TMEM51: variants seen among roughly 807,000 people sequenced by gnomAD.
TMEM51 encodes the protein chromosome 1 open reading frame 72.
In TMEM51, 8 loss-of-function variants were observed where a neutral mutation model predicts 13.6. The ratio of observed to expected loss-of-function variants is 0.59; its 90% CI spans 0.35 to 1.07. The LOEUF (loss-of-function observed/expected upper bound fraction) is 1.07, where lower values mean the gene tolerates loss of function less well. TMEM51 is among the 50% of genes least tolerant of loss of function. The probability of loss-of-function intolerance (pLI) is 0.02; values close to 1 mark genes in which losing one functional copy is unlikely to be tolerated. For missense variants in TMEM51, 279 were observed against 330.7 expected, an observed-to-expected ratio of 0.84 and a Z score of 1.21; for synonymous variants, 147 against 144.4, an observed-to-expected ratio of 1.02 and a Z score of -0.13.
chr1:15,194,592 T>C (rs1458113371), intron 1 of TMEM51, among the ~76,000 whole-genome samples: 2 of 152,226 alleles, frequency 1.3e-5, no homozygotes, highest in African/African-American at 2.4e-5. Context: ...ACCTCTCAGT[T>C]TGTAACATGT....
At chr1:15,180,655 T>C (rs1184234982) in intron 1 of TMEM51, among the ~76,000 whole-genome samples, 2 of 152,198 alleles carry the variant, frequency 1.3e-5, no homozygotes, top group Non-Finnish European at 2.9e-5. Flanking sequence ...TGTTTCTCTG[T>C]ATAAGTGACC....
intron 3 of TMEM51, among the ~76,000 whole-genome samples, chr1:15,219,091 C>G (rs920537759): frequency 9.9e-5 from 15 of 152,216 alleles, no homozygotes; most frequent in African/African-American, 3.4e-4. Context: ...TCCTGCATGA[C>G]TAGTACTTAA....
At chr1:15,194,890 A>G (rs1442978896) in intron 1 of TMEM51, among the ~76,000 whole-genome samples, 2 of 151,432 alleles carry the variant, frequency 1.3e-5, no homozygotes, top group Non-Finnish European at 2.9e-5. Context: ...CAATGGAAAG[A>G]GAATTCAAGC....
chr1:15,153,258 A>G (rs1206980760), upstream of TMEM51, among the ~76,000 whole-genome samples: 4 of 152,082 alleles, frequency 2.6e-5, no homozygotes, highest in Non-Finnish European at 5.9e-5. Flanking sequence ...CCGCCAGGTA[A>G]AGGCGGGGCG....
chr1:15,210,894 C>T (rs948220917), intron 2 of TMEM51, among the ~76,000 whole-genome samples: 30 of 152,210 alleles, frequency 2.0e-4, no homozygotes, highest in Admixed American at 2.0e-3. Context: ...CCAGATGCCC[C>T]GCTGGGAGCT....
intron 2 of TMEM51, among the ~76,000 whole-genome samples, chr1:15,212,604 T>C (rs1644359628): frequency 6.6e-6 from 1 of 152,222 alleles, no homozygotes; most frequent in Admixed American, 6.5e-5. Flanking sequence ...GAGTCTGACC[T>C]TGTCCCAGAT....
At chr1:15,190,249 C>T (rs1398048726) in intron 1 of TMEM51, among the ~76,000 whole-genome samples, 1 of 152,098 alleles carries the variant, frequency 6.6e-6, no homozygotes, top group Admixed American at 6.6e-5. Flanking sequence ...TCTCTGGGCT[C>T]GAGTGTTTGT....
intron 1 of TMEM51, among the ~76,000 whole-genome samples, chr1:15,164,706 G>A (rs577282104): frequency 6.6e-6 from 1 of 150,756 alleles, no homozygotes; most frequent in South Asian, 2.1e-4. Context: ...TAAAAACTTT[G>A]ATATATCAAA....
At chr1:15,178,098 T>TTAGC (rs1183927431) in intron 1 of TMEM51, among the ~76,000 whole-genome samples, 3 of 151,760 alleles carry the variant, frequency 2.0e-5, no homozygotes, top group African/African-American at 7.3e-5. Context: ...GCACAGGCAT[T>TTAGC]TAGCACTTAG....
In TMEM51 at chr1:15,207,380, C is replaced by G. The variant is rs1644269096; in HGVS notation, c.-266-3110C>G. Among the ~76,000 whole-genome samples the G allele has an allele frequency of 6.6e-6, 1 of 152,246 alleles. No individual in the cohort carries two copies. Among genetic ancestry groups the G allele is most frequent in the Non-Finnish European group, 1.5e-5 (1 of 68,046 alleles). ...TGTGTCCTGGAGAGTTTCTGCAATTCAGCGAGAAGAGGCAGCGGAAGGCCC... is the reference window on the plus strand; with the variant it reads ...TGTGTCCTGGAGAGTTTCTGCAATTGAGCGAGAAGAGGCAGCGGAAGGCCC... On this transcript the variant is annotated intron_variant, in intron 1 of 3. Transcript: ENST00000376008. The surrounding 1 kb of genome is among the most constrained non-coding windows in gnomAD (Gnocchi z 4.6).
Position 15,162,173 on chromosome 1 carries a change from T to G in TMEM51, c.-267+8219T>G, listed in dbSNP as rs547604566. On this transcript the variant is annotated intron_variant, in intron 1 of 3. Transcript: ENST00000376008. ...TCCAACATTGGGGATCAAATTTCTC[T>G]TCTTTTTTTGAGACAGTCTTACTCT... Among the ~76,000 whole-genome samples the G allele has an allele frequency of 3.9e-5, 6 of 152,114 alleles. No homozygotes were observed. In the South Asian group the frequency reaches 1.2e-3, roughly 32 times the overall value.
intron 1 of TMEM51, among the ~76,000 whole-genome samples, chr1:15,182,016 C>A (rs1643629968): frequency 6.6e-6 from 1 of 151,986 alleles, no homozygotes; most frequent in Admixed American, 6.6e-5. Flanking sequence ...CAAAAATTAG[C>A]TGGGCGTGGT....
At chr1:15,206,110 G>T (rs1183418953) in intron 1 of TMEM51, among the ~76,000 whole-genome samples, 1 of 151,976 alleles carries the variant, frequency 6.6e-6, no homozygotes, top group Admixed American at 6.6e-5. Flanking sequence ...GGTGGTGTGT[G>T]CCTGTAGTCC....
chr1:15,179,881 T>C (rs1038060067), intron 1 of TMEM51, among the ~76,000 whole-genome samples: 2 of 152,206 alleles, frequency 1.3e-5, no homozygotes, highest in African/African-American at 4.8e-5. Flanking sequence ...TATGCACATA[T>C]GAGGGAACTT....
At chr1:15,199,984 T>C (rs1644123624) in intron 1 of TMEM51, among the ~76,000 whole-genome samples, 1 of 151,618 alleles carries the variant, frequency 6.6e-6, no homozygotes, top group Non-Finnish European at 1.5e-5. Flanking sequence ...GTAGATCTTT[T>C]TTATTACCCA....
chr1:15,204,628 G>A (rs930007516), intron 1 of TMEM51, among the ~76,000 whole-genome samples: 3 of 152,212 alleles, frequency 2.0e-5, no homozygotes, highest in Non-Finnish European at 1.5e-5. Context: ...CCTAAACAAG[G>A]GGCTTTGTGG....
chr1:15,160,990 A>C lies in TMEM51; in HGVS notation c.-267+7036A>C, dbSNP rs1642763201. Among the ~76,000 whole-genome samples, 4 of 151,844 alleles carry C rather than the reference A, an allele frequency of 2.6e-5. No homozygotes were observed. In the South Asian group the frequency reaches 8.3e-4, roughly 32 times the overall value. On this transcript the variant is annotated intron_variant, in intron 1 of 3. Transcript: ENST00000376008. The stretch of plus-strand genomic sequence containing the variant: ...ACCCAAACTTGGAGAGTCAGGAAGG[A>C]TTTTCAGAAAGAGTGCAGTCTGAGC...
At chr1:15,191,431 T>C (rs902286521) in intron 1 of TMEM51, among the ~76,000 whole-genome samples, 13 of 152,264 alleles carry the variant, frequency 8.5e-5, no homozygotes, top group African/African-American at 3.1e-4. Context: ...CTTGGGGCGG[T>C]GGGTAGCCGT....
At chr1:15,214,086 C>T (rs562170527) in intron 2 of TMEM51, among the ~76,000 whole-genome samples, 6 of 149,308 alleles carry the variant, frequency 4.0e-5, no homozygotes, top group Admixed American at 6.7e-5. Context: ...CTCTTGACCT[C>T]GTGATCCATC....
Sources: gnomAD v4.1 joint callset for allele counts (sites outside exome capture counted in the v4.1 genomes callset) on GRCh38, gnomAD v4.1.1 for gene constraint, Gnocchi (gnomAD v3.1) non-coding constraint, MANE v1.5 for transcripts, NCBI Gene and HGNC (gene_info 2026-07-23, HGNC 2026-07-21) for gene names.